Variants in TTN observed in about 807,000 individuals in gnomAD.
TTN encodes the protein connectin.
In TTN, 1,525 loss-of-function variants were observed where a neutral mutation model predicts 3,223.0. That is an observed-to-expected ratio of 0.47 (90% confidence interval 0.45 to 0.49). The LOEUF (loss-of-function observed/expected upper bound fraction) is 0.49. TTN is among the 20% of genes least tolerant of loss of function. The pLI, the probability that TTN is intolerant of heterozygous loss-of-function variation, is 0.00. For synonymous variants in TTN, 14,094 were observed against 15,161.0 expected (o/e 0.93, Z 5.17); for missense variants, 40,786 against 43,424.0 (o/e 0.94, Z 5.40).
rs769617600 is a variant in TTN at position 178,728,937 on chromosome 2, C to T, written c.19101G>A (p.Lys6367=). 2 of 1,611,700 alleles carry T rather than the reference C, an allele frequency of 1.2e-6. No homozygotes were observed. The highest frequency in any genetic ancestry group is 4.5e-5 in the East Asian group (2 of 44,776). ...GHSGRYTCQA[K]NESGVERCYA... ...AACACCTCTCAACTCCTGACTCATT[C>T]TTGGCTTGACAGGTATATCTCCCAC... The change falls in exon 65 of 363, where the codon AAG becomes AAA. Residue 6367 remains lysine (K), a synonymous_variant. Transcript: ENST00000589042.
In TTN at chr2:178,600,584, T is replaced by G. The variant is rs899549523; in HGVS notation, c.56050+270A>C. 43 of 461,580 alleles carry G rather than the reference T, an allele frequency of 9.3e-5. No individual in the cohort carries two copies. The South Asian group carries it at 1.1e-3, about 12-fold the overall frequency. The allele number at this position is 461,580 out of a possible 1,614,324, so 28.6% of individuals were successfully genotyped here. On this transcript the variant is annotated intron_variant, in intron 288 of 362. Coordinates refer to ENST00000589042, the MANE Select transcript of TTN (RefSeq NM_001267550.2). Reference sequence around the variant, plus strand: ...AGCATGCAGAGAAATTGCTTTAGCCTCTGATAAATAAAACAGACTGCGAGG... The same window carrying G: ...AGCATGCAGAGAAATTGCTTTAGCCGCTGATAAATAAAACAGACTGCGAGG...
intron 47 of TTN, chr2:178,745,083 T>C: frequency 1.0e-6 from 1 of 987,298 alleles, no homozygotes; most frequent in Non-Finnish European, 1.2e-6. Context: ...TTGTTTTGCC[T>C]ATTCTAAGTC....
In TTN at chr2:178,649,601, A is replaced by G; in HGVS notation, c.39926T>C (p.Val13309Ala). Residue 13309 changes from valine to alanine, a missense_variant, in exon 212 of 363, where the codon GTG (valine) becomes GCG (alanine). Val to Ala is a moderately conservative substitution (Grantham distance 64). Transcript: ENST00000589042. ...EPEMPKKVVP[V>A]KKVPTVKKPE... The stretch of plus-strand genomic sequence containing the variant: ...CTTCTTAACAGTTGGGACCTTCTTC[A>G]CTGGAACAACTTTCTTTGGCATCTC... 1.9e-6 allele frequency: 3 copies of G among 1,550,186 alleles called. No homozygotes were observed. Among genetic ancestry groups the G allele is most frequent in the Non-Finnish European group, 2.6e-6 (3 of 1,146,610 alleles).
chr2:178,713,651 T>G, intron 92 of TTN: 2 of 712,384 alleles, frequency 2.8e-6, no homozygotes, highest in Non-Finnish European at 4.4e-6. Flanking sequence ...AAGACTGCTT[T>G]AACCTTATCC....
At chr2:178,607,000 C>A (rs1354747250) in intron 278 of TTN, 21 bp downstream of exon 278, 2 of 1,598,332 alleles carry the variant, frequency 1.3e-6, no homozygotes, top group South Asian at 1.1e-5. Flanking sequence ...TCTATAAACA[C>A]AATGAAACCT....
rs757151970 is a variant in TTN at position 178,677,869 on chromosome 2, T to C, written c.34043A>G (p.Glu11348Gly). Reference protein sequence around the residue: ...PVPVPVALPQEEEVLFEEEIV... With the variant: ...PVPVPVALPQGEEVLFEEEIV... ...TTCTTCTTCAAATAGAACTTCCTCT[T>C]CCTGAGGTAGAGCTACAGGAACTGG... Residue 11348 changes from glutamate to glycine, a missense_variant, in exon 146 of 363, where the codon GAA (glutamate) becomes GGA (glycine). Transcript: ENST00000589042. 2 of 1,612,128 alleles carry C rather than the reference T, an allele frequency of 1.2e-6. No individual in the cohort carries two copies. Among genetic ancestry groups the C allele is most frequent in the East Asian group, 2.2e-5 (1 of 44,858 alleles).
intron 144 of TTN, 89 bp from the exon 145 acceptor site, chr2:178,678,297 A>G (rs963526606): frequency 6.6e-6 from 10 of 1,518,148 alleles, no homozygotes; most frequent in East Asian, 2.3e-5. Flanking sequence ...AATATCTGAC[A>G]TATTTCTAAC....
Position 178,745,891 on chromosome 2 carries a change from A to C in TTN, c.11312-3970T>G, listed in dbSNP as rs1035757359. The C allele has an allele frequency of 1.9e-6, 3 of 1,612,220 alleles. No homozygotes were observed. The East Asian group carries it at 6.7e-5, about 36-fold the overall frequency. On this transcript the variant is annotated intron_variant, in intron 47 of 362. Coordinates refer to ENST00000589042, the MANE Select transcript of TTN (RefSeq NM_001267550.2). ...CTTCCACCACCTGAAATTCAAAAAA[A>C]CTGTCTGTGTAGTTGCTCTTTAAGA...
rs368650224 is a variant in TTN, at chr2:178,616,476, C to A, written c.48312+3G>T. ...CATTGATGCAGTGCTGCTCAAAACT[C>A]ACTTTAGTCCATGTTTTCCGGCTGA... On this transcript the variant is annotated splice_donor_region_variant and intron_variant, in intron 257 of 362. Transcript: ENST00000589042. 9 of 1,611,908 alleles carry A rather than the reference C, an allele frequency of 5.6e-6. No individual in the cohort carries two copies. Among genetic ancestry groups the A allele is most frequent in the South Asian group, 3.3e-5 (3 of 90,926 alleles).
chr2:178,717,748 G>A lies in TTN; in HGVS notation c.25126C>T (p.Pro8376Ser), dbSNP rs375209098. Residue 8376 changes from proline (P) to serine (S), a missense_variant, in exon 87 of 363, where the codon CCA becomes TCA. Transcript: ENST00000589042. ...TTGATGCGGCATTCAAATGCAACTG[G>A]GAAGCCTAGAGTCTCATGAACGTCT... ...LKDVHETLGF[P>S]VAFECRINGS... 198 of 1,613,012 alleles carry A rather than the reference G, an allele frequency of 1.2e-4. No individual in the cohort carries two copies. Among genetic ancestry groups the A allele is most frequent in the Non-Finnish European group, 1.6e-4 (190 of 1,179,528 alleles).
At position 178,727,601 on chromosome 2, in the gene TTN, C is replaced by T. The variant is rs1060503954; in HGVS notation, c.19977G>A (p.Thr6659=). Residue 6659 remains threonine (T), a synonymous_variant, in exon 68 of 363, where the codon ACG becomes ACA. Transcript: ENST00000589042. ...TNDVGSDSCT[T]MLLVTEPPKF... is the part of the protein sequence containing the mutation. Reference sequence around the variant, plus strand: ...TTTGCACACCTGTCACAAGCAACATCGTAGTACAAGAGTCGCTACCAACAT... The same window carrying T: ...TTTGCACACCTGTCACAAGCAACATTGTAGTACAAGAGTCGCTACCAACAT... The T allele has an allele frequency of 5.7e-6, 9 of 1,577,738 alleles. No homozygotes were observed. Among genetic ancestry groups the T allele is most frequent in the Middle Eastern group, 1.7e-4 (1 of 5,894 alleles).
At position 178,739,500 on chromosome 2, in the gene TTN, T is replaced by G. The variant is rs751948947; in HGVS notation, c.13733A>C (p.Glu4578Ala). Residue 4578 changes from glutamate (E) to alanine (A), a missense_variant, in exon 48 of 363, where the codon GAG becomes GCG. By Grantham distance (107) the Glu-to-Ala change is moderately radical. Transcript: ENST00000589042. ...CTCAGTACCACTTTCAGAGGAAGAC[T>G]CCTCTTTTTCCTCTGATGGTTTCAG... ...ESLKPSEEKE[E>A]SSSESGTEEV... 2.5e-6 allele frequency: 4 copies of G among 1,613,686 alleles called. No individual in the cohort carries two copies. Among genetic ancestry groups the G allele is most frequent in the Non-Finnish European group, 2.5e-6 (3 of 1,179,828 alleles).
intron 228 of TTN, 50 bp downstream of exon 228, chr2:178,635,115 G>A: frequency 6.2e-7 from 1 of 1,601,118 alleles, no homozygotes. Flanking sequence ...CCTGAATATT[G>A]GATGTGGTTA....
rs753121692 is a variant in TTN, at chr2:178,706,655, T to C, written c.29219A>G (p.Asn9740Ser). The C allele has an allele frequency of 6.1e-5, 98 of 1,613,808 alleles. No homozygotes were observed. Among genetic ancestry groups the C allele is most frequent in the Non-Finnish European group, 8.0e-5 (94 of 1,179,834 alleles). ...GTGGATGAAAACACGACCTCCTTGGTTCAGCTGTCTCCACTTCCCTTTTGT... is the reference window on the plus strand; with the variant it reads ...GTGGATGAAAACACGACCTCCTTGGCTCAGCTGTCTCCACTTCCCTTTTGT... ...KWTKGKWRQL[N>S]QGGRVFIHQK... Residue 9740 changes from asparagine (N) to serine (S), a missense_variant, in exon 102 of 363, where the codon AAC becomes AGC. Asn to Ser is a conservative substitution (Grantham distance 46, BLOSUM62 1). Coordinates refer to ENST00000589042, the MANE Select transcript of TTN (RefSeq NM_001267550.2).
In TTN at chr2:178,545,713, T is replaced by G; in HGVS notation, c.95417-20A>C. On this transcript the variant is annotated intron_variant, in intron 343 of 362. Coordinates refer to ENST00000589042, the MANE Select transcript of TTN (RefSeq NM_001267550.2). The stretch of plus-strand genomic sequence containing the variant: ...GAATAGCTGTTTATGAAAATAAGGA[T>G]GATGAGAATTGCACAAAATTACTAT... 1 of 1,606,026 alleles carries G rather than the reference T, an allele frequency of 6.2e-7. No individual in the cohort carries two copies. The highest frequency in any genetic ancestry group is 8.5e-7 in the Non-Finnish European group (1 of 1,174,564).
intron 115 of TTN, 118 bp from the exon 116 acceptor site, chr2:178,695,024 A>T: frequency 1.4e-6 from 1 of 718,312 alleles, no homozygotes. Context: ...GTATATGCAG[A>T]TACATGTATC....
At position 178,560,459 on chromosome 2, in the gene TTN, T is replaced by G; in HGVS notation, c.85673A>C (p.Glu28558Ala). ...FTVPSPPTSL[E>A]ITSVTKESMT... ...AGATTCTTTGGTCACAGAAGTAATT[T>G]CCAAAGACGTGGGTGGACTTGGAAC... is the stretch of plus-strand genomic sequence containing the variant. Residue 28558 changes from glutamate (E) to alanine (A), a missense_variant, in exon 326 of 363, where the codon GAA (glutamate) becomes GCA (alanine). By Grantham distance (107) the Glu-to-Ala change is moderately radical. Transcript: ENST00000589042. 6.2e-7 allele frequency: 1 copy of G among 1,613,536 alleles called. No individual in the cohort carries two copies. Among genetic ancestry groups the G allele is most frequent in the Non-Finnish European group, 8.5e-7 (1 of 1,179,750 alleles).
At position 178,654,966 on chromosome 2, in the gene TTN, C is replaced by CTTCAGGCTTTTTAGG; in HGVS notation, c.38067_38068insCCTAAAAAGCCTGAA (p.Pro12689_Glu12690insProLysLysProGlu). Reference sequence around the variant, plus strand: ...GGAGGAGGCACTGGCACTTTCTTTTCAGGAACAACTTCTTTGGGAGCCTCA... The same window carrying CTTCAGGCTTTTTAGG: ...GGAGGAGGCACTGGCACTTTCTTTTCTTCAGGCTTTTTAGGAGGAACAACTTCTTTGGGAGCCTCA... On this transcript the variant is annotated inframe_insertion, in exon 190 of 363. Transcript: ENST00000589042. 1.5e-6 allele frequency: 1 copy of CTTCAGGCTTTTTAGG among 661,982 alleles called. No homozygotes were observed. Among genetic ancestry groups the CTTCAGGCTTTTTAGG allele is most frequent in the Non-Finnish European group, 2.2e-6 (1 of 451,302 alleles). The allele number at this position is 661,982 out of a possible 1,614,324, so 41.0% of individuals were successfully genotyped here. A position where few individuals can be genotyped will look rare whatever the true frequency, so the allele number is the denominator to read the frequency against.
intron 8 of TTN, among the ~76,000 whole-genome samples, chr2:178,794,101 G>A (rs2093648457): frequency 6.6e-6 from 1 of 152,198 alleles, no homozygotes; most frequent in South Asian, 2.1e-4. Flanking sequence ...ACTGGTCTCT[G>A]TTTCTCTGGC....
Sources: gnomAD v4.1 joint callset for allele counts (sites outside exome capture counted in the v4.1 genomes callset) on GRCh38, gnomAD v4.1.1 for gene constraint, MANE v1.5 for transcripts, NCBI Gene and HGNC (gene_info 2026-07-23, HGNC 2026-07-21) for gene names.